The following SLCO1B1 variants were observed in gnomAD, a reference collection of about 807,000 sequenced individuals.
The protein encoded by SLCO1B1 is solute carrier organic anion transporter family member 1B1.
Under a neutral mutation model 70.1 loss-of-function variants are expected in SLCO1B1, and 81 were observed. That is an observed-to-expected ratio of 1.16 (90% CI 0.97 to 1.39). SLCO1B1 has a LOEUF of 1.39. Among genes scored for constraint, SLCO1B1 ranks in the 40% most tolerant of loss-of-function variants. SLCO1B1 has a pLI of 0.00. For synonymous variants in SLCO1B1, 283 were observed against 271.5 expected, an observed-to-expected ratio of 1.04 and a Z score of -0.42; for missense variants, 895 against 799.6, an observed-to-expected ratio of 1.12 and a Z score of -1.44.
At chr12:21,135,492 G>A (rs1223740490) in intron 1 of SLCO1B1, among the ~76,000 whole-genome samples, 1 of 152,108 alleles carries the variant, frequency 6.6e-6, no homozygotes, top group Admixed American at 6.5e-5. Context: ...GGTCACTAAG[G>A]ACTTGCTTTA....
intron 14 of SLCO1B1, among the ~76,000 whole-genome samples, chr12:21,233,898 C>A (rs1468817899): frequency 6.6e-6 from 1 of 152,140 alleles, no homozygotes; most frequent in Non-Finnish European, 1.5e-5. Flanking sequence ...GGCAGGTAGG[C>A]ACAAAGGCAA....
intron 9 of SLCO1B1, among the ~76,000 whole-genome samples, chr12:21,201,597 C>A (rs1319657494): frequency 6.6e-6 from 1 of 152,050 alleles, no homozygotes; most frequent in East Asian, 1.9e-4. Flanking sequence ...TGTTGTTAAG[C>A]TCTGGGCAGA....
In SLCO1B1 at chr12:21,205,808, CT is replaced by C. The variant is rs1397438376; in HGVS notation, c.1332-58del. The C allele has an allele frequency of 3.9e-6, 5 of 1,285,024 alleles. No homozygotes were observed. The African/African-American group carries it at 7.4e-5, about 19-fold the overall frequency. 79.6% of individuals were successfully genotyped at this position (1,285,024 alleles called of 1,614,324 possible). A position where few individuals can be genotyped will look rare whatever the true frequency, so the allele number is the denominator to read the frequency against. On this transcript the variant is annotated intron_variant, in intron 10 of 14. Transcript: ENST00000256958. ...CACTTTACTTCTTCCTTCTCCTCCC[CT>C]TCTTTGTCTTTTTCTTCTCTCTCTC...
intron 1 of SLCO1B1, among the ~76,000 whole-genome samples, chr12:21,139,529 T>C (rs779990359): frequency 7.2e-5 from 11 of 152,102 alleles, no homozygotes; most frequent in Non-Finnish European, 1.5e-4. Flanking sequence ...CCCTTAAATA[T>C]GTATTATATA....
intron 6 of SLCO1B1, 99 bp downstream of exon 6, chr12:21,178,821 A>C: frequency 7.4e-7 from 1 of 1,347,260 alleles, no homozygotes; most frequent in Non-Finnish European, 1.1e-6. Flanking sequence ...ATTAGAACAT[A>C]TATTTGGGTA....
intron 14 of SLCO1B1, among the ~76,000 whole-genome samples, chr12:21,232,282 G>A (rs377502465): frequency 2.2e-4 from 34 of 152,152 alleles, no homozygotes; most frequent in African/African-American, 7.5e-4. Flanking sequence ...CAGTGCAACC[G>A]ATTTCAAGCT....
At chr12:21,196,891 A>G (rs1591816862) in intron 7 of SLCO1B1, 55 bp from the exon 8 acceptor site, 1 of 1,540,834 alleles carries the variant, frequency 6.5e-7, no homozygotes, top group South Asian at 1.1e-5. Context: ...TATTTCCCTG[A>G]ACCTATTGTA....
chr12:21,166,190 G>A (rs11045809), intron 2 of SLCO1B1, among the ~76,000 whole-genome samples: 333 of 152,018 alleles, frequency 2.2e-3, no homozygotes, highest in African/African-American at 7.4e-3. Context: ...TCTCAATATC[G>A]TAGAAGCATA....
At chr12:21,143,833 A>G (rs910745504) in intron 2 of SLCO1B1, among the ~76,000 whole-genome samples, 2 of 152,070 alleles carry the variant, frequency 1.3e-5, no homozygotes, top group African/African-American at 4.8e-5. Flanking sequence ...AATTATCTTA[A>G]GGTTAAATTA....
chr12:21,237,978 G>T (rs1941611679), intron 14 of SLCO1B1, among the ~76,000 whole-genome samples: 1 of 152,132 alleles, frequency 6.6e-6, no homozygotes, highest in African/African-American at 2.4e-5. Flanking sequence ...CTCCCAAAGT[G>T]CTGGGATTAC....
At chr12:21,232,865 GC>G (rs2121206407) in intron 14 of SLCO1B1, among the ~76,000 whole-genome samples, 1 of 152,206 alleles carries the variant, frequency 6.6e-6, no homozygotes, top group Non-Finnish European at 1.5e-5. Flanking sequence ...GAATGAAGTG[GC>G]TTTTGATGAC....
intron 2 of SLCO1B1, among the ~76,000 whole-genome samples, chr12:21,172,336 T>C (rs1416825763): frequency 1.3e-5 from 2 of 152,194 alleles, no homozygotes; most frequent in East Asian, 1.9e-4. Context: ...CTCACCATCA[T>C]GGCCATCTGA....
At chr12:21,182,808 G>T (rs1417817994) in intron 7 of SLCO1B1, among the ~76,000 whole-genome samples, 1 of 152,120 alleles carries the variant, frequency 6.6e-6, no homozygotes, top group Non-Finnish European at 1.5e-5. Flanking sequence ...AGCAGAGGAA[G>T]AATTCTGAAT....
intron 1 of SLCO1B1, among the ~76,000 whole-genome samples, chr12:21,136,027 C>T (rs1194650750): frequency 6.6e-6 from 1 of 152,120 alleles, no homozygotes; most frequent in East Asian, 1.9e-4. Flanking sequence ...TAGGGCAGGC[C>T]TGGTGGTGAC....
At chr12:21,173,483 TAA>T (rs1478657628) in intron 3 of SLCO1B1, among the ~76,000 whole-genome samples, 1 of 152,076 alleles carries the variant, frequency 6.6e-6, no homozygotes, top group East Asian at 1.9e-4. Flanking sequence ...CTTACCATAT[TAA>T]GTTCTAATTT....
intron 14 of SLCO1B1, among the ~76,000 whole-genome samples, chr12:21,229,936 G>A (rs1368077633): frequency 1.3e-5 from 2 of 152,118 alleles, no homozygotes; most frequent in African/African-American, 4.8e-5. Flanking sequence ...TTTTTGACTT[G>A]TTCCTGACCT....
chr12:21,206,830 T>A (rs563084422), intron 11 of SLCO1B1, among the ~76,000 whole-genome samples: 8 of 152,062 alleles, frequency 5.3e-5, no homozygotes, highest in Non-Finnish European at 7.4e-5. Context: ...ATTACCAACA[T>A]TACTAAAACA....
At chr12:21,200,756 G>A in intron 9 of SLCO1B1, 84 bp downstream of exon 9, 3 of 1,210,672 alleles carry the variant, frequency 2.5e-6, no homozygotes, top group South Asian at 2.9e-5. Flanking sequence ...TTGTGAAAGT[G>A]ATTTTGTATT....
At chr12:21,153,668 A>G (rs1262244505) in intron 2 of SLCO1B1, among the ~76,000 whole-genome samples, 3 of 152,136 alleles carry the variant, frequency 2.0e-5, no homozygotes, top group Non-Finnish European at 4.4e-5. Flanking sequence ...TTCACTTATC[A>G]TAATTGAAAG....
Sources: allele counts gnomAD v4.1 joint callset (sites outside exome capture counted in the v4.1 genomes callset), GRCh38; gene constraint gnomAD v4.1.1; transcripts MANE v1.5; gene names NCBI Gene and HGNC (gene_info 2026-07-23, HGNC 2026-07-21).